The following COL8A1 variants were observed in gnomAD, a reference collection of about 807,000 sequenced individuals.
The protein encoded by COL8A1 is collagen type VIII alpha 1 chain, also known as collagen alpha-1(VIII) chain.
COL8A1 carries 21 observed loss-of-function variants against 42.7 expected under a neutral mutation model. The observed-to-expected ratio is 0.49, with a 90% CI of 0.35 to 0.71. The LOEUF (loss-of-function observed/expected upper bound fraction) is 0.71. COL8A1 is among the 30% of genes least tolerant of loss of function. COL8A1 has a pLI of 0.01. For missense variants in COL8A1, 788 were observed against 962.4 expected, an observed-to-expected ratio of 0.82 and a Z score of 2.40; for synonymous variants, 367 against 369.1, an observed-to-expected ratio of 0.99 and a Z score of 0.06.
At chr3:99,686,419 A>G (rs1443034226) in intron 1 of COL8A1, among the ~76,000 whole-genome samples, 1 of 152,234 alleles carries the variant, frequency 6.6e-6, no homozygotes, top group African/African-American at 2.4e-5. Flanking sequence ...TTAGAGAAAG[A>G]TTGAATTCAC....
chr3:99,775,370 C>G (rs764512992), intron 2 of COL8A1, among the ~76,000 whole-genome samples: 1 of 152,094 alleles, frequency 6.6e-6, no homozygotes, highest in Non-Finnish European at 1.5e-5. Context: ...TTGGGAAGCA[C>G]GAGACCCTCT....
intron 1 of COL8A1, among the ~76,000 whole-genome samples, chr3:99,686,220 C>T (rs1011653482): frequency 3.3e-5 from 5 of 152,042 alleles, no homozygotes; most frequent in African/African-American, 1.2e-4. Flanking sequence ...CATTTTTTAC[C>T]AAAGACCTGC....
intron 2 of COL8A1, among the ~76,000 whole-genome samples, chr3:99,760,108 G>C (rs936897877): frequency 1.3e-5 from 2 of 151,834 alleles, no homozygotes; most frequent in Non-Finnish European, 2.9e-5. Flanking sequence ...TTGTTGGATA[G>C]AAAACACTCA....
chr3:99,724,557 AACTCATTTTT>A (rs1201877553), intron 1 of COL8A1, among the ~76,000 whole-genome samples: 4 of 152,080 alleles, frequency 2.6e-5, no homozygotes, highest in Admixed American at 2.6e-4. Flanking sequence ...GAGGGAACAG[AACTCATTTTT>A]ACAAAGATTA....
intron 1 of COL8A1, among the ~76,000 whole-genome samples, chr3:99,697,114 G>A (rs1027912270): frequency 6.8e-6 from 1 of 148,094 alleles, no homozygotes; most frequent in South Asian, 2.1e-4. Flanking sequence ...AGCCTCCCGA[G>A]TAGCTGGGAC....
chr3:99,766,947 C>A (rs1015160520), intron 2 of COL8A1, among the ~76,000 whole-genome samples: 8 of 109,740 alleles, frequency 7.3e-5, no homozygotes, highest in Admixed American at 9.3e-5. Flanking sequence ...GAAACTCTGT[C>A]TTGAAAAAAA....
At chr3:99,643,474 AATATCC>A (rs1937553511) in intron 1 of COL8A1, among the ~76,000 whole-genome samples, 1 of 152,228 alleles carries the variant, frequency 6.6e-6, no homozygotes, top group South Asian at 2.1e-4. Context: ...CTAAGTATAA[AATATCC>A]ATTTTCCTAA....
intron 1 of COL8A1, among the ~76,000 whole-genome samples, chr3:99,657,938 C>G (rs1253299551): frequency 3.9e-5 from 6 of 152,138 alleles, no homozygotes; most frequent in Non-Finnish European, 7.4e-5. Context: ...GACAGCCTGA[C>G]CAACATGGTG....
chr3:99,650,736 A>T (rs1937818699), intron 1 of COL8A1, among the ~76,000 whole-genome samples: 1 of 152,194 alleles, frequency 6.6e-6, no homozygotes, highest in African/African-American at 2.4e-5. Flanking sequence ...GGCTAACACA[A>T]ATGAGGTACT....
intron 1 of COL8A1, among the ~76,000 whole-genome samples, chr3:99,647,737 TA>T (rs1937694037): frequency 6.6e-6 from 1 of 152,202 alleles, no homozygotes; most frequent in Non-Finnish European, 1.5e-5. Flanking sequence ...GTTGGCCAAA[TA>T]TTTTCTTTGA....
chr3:99,788,755 G>A (rs1276655275), intron 2 of COL8A1, among the ~76,000 whole-genome samples: 1 of 152,160 alleles, frequency 6.6e-6, no homozygotes, highest in Non-Finnish European at 1.5e-5. Context: ...AAAAATAGAA[G>A]TGTGTATAGT....
At chr3:99,671,076 A>G (rs894224700) in intron 1 of COL8A1, among the ~76,000 whole-genome samples, 1 of 151,970 alleles carries the variant, frequency 6.6e-6, no homozygotes, top group Non-Finnish European at 1.5e-5. Context: ...CTACAACTGA[A>G]TCAAAATCCT....
intron 1 of COL8A1, among the ~76,000 whole-genome samples, chr3:99,674,112 C>A (rs1357185822): frequency 6.6e-6 from 1 of 151,966 alleles, no homozygotes. Context: ...TGATCTCTTG[C>A]TTTTTCATGA....
At chr3:99,733,888 T>A (rs1940610340) in intron 1 of COL8A1, among the ~76,000 whole-genome samples, 1 of 152,172 alleles carries the variant, frequency 6.6e-6, no homozygotes, top group South Asian at 2.1e-4. Flanking sequence ...TTTGCATTTC[T>A]CTGATGGCCA....
At chr3:99,704,205 C>G (rs1267866534) in intron 1 of COL8A1, among the ~76,000 whole-genome samples, 3 of 151,860 alleles carry the variant, frequency 2.0e-5, no homozygotes, top group Non-Finnish European at 4.4e-5. Flanking sequence ...ATTTTTTTCT[C>G]GTTCACTTTT....
At chr3:99,700,629 A>G (rs1175052328) in intron 1 of COL8A1, among the ~76,000 whole-genome samples, 1 of 152,196 alleles carries the variant, frequency 6.6e-6, no homozygotes. Context: ...TAATTCTGCC[A>G]AACCCATTTG....
chr3:99,726,242 A>G (rs1940321661), intron 1 of COL8A1, among the ~76,000 whole-genome samples: 1 of 152,080 alleles, frequency 6.6e-6, no homozygotes, highest in African/African-American at 2.4e-5. Context: ...CGTATCCTGC[A>G]CCCACTTTTT....
chr3:99,756,882 A>T (rs1941264151), intron 2 of COL8A1, among the ~76,000 whole-genome samples: 1 of 152,206 alleles, frequency 6.6e-6, no homozygotes, highest in South Asian at 2.1e-4. Flanking sequence ...TGCAGAGAAA[A>T]CTGAAGGATC....
rs75278068 is a variant in COL8A1, at chr3:99,706,719, C to A, written c.-128-38178C>A. On this transcript the variant is annotated intron_variant, in intron 1 of 3. Transcript: ENST00000652472. ...CATCTTGATGTGCATGTTTTCATAT[C>A]ATTTCTAAATAATTAACTCAGCTCT... 7.9e-5 allele frequency among the ~76,000 whole-genome samples: 12 copies of A among 152,330 alleles called. No homozygotes were observed. In the East Asian group the frequency reaches 2.1e-3, roughly 27 times the overall value.
Sources: allele counts gnomAD v4.1 joint callset (sites outside exome capture counted in the v4.1 genomes callset), GRCh38; gene constraint gnomAD v4.1.1; transcripts MANE v1.5; gene names NCBI Gene and HGNC (gene_info 2026-07-23, HGNC 2026-07-21).